Variants in RPS6KA2 observed in about 807,000 individuals in gnomAD.
RPS6KA2 encodes the protein ribosomal protein S6 kinase alpha-2.
Under a neutral mutation model 91.8 loss-of-function variants are expected in RPS6KA2, and 42 were observed. The ratio of observed to expected loss-of-function variants is 0.46; its 90% confidence interval spans 0.36 to 0.59. The LOEUF (loss-of-function observed/expected upper bound fraction) is 0.59. RPS6KA2 is among the 20% of genes least tolerant of loss of function. The pLI is 0.00. For synonymous variants in RPS6KA2, 414 were observed against 393.6 expected (o/e 1.05, Z -0.61); for missense variants, 798 against 978.5 (o/e 0.82, Z 2.46).
chr6:166,780,553 G>A (rs915495154), intron 2 of RPS6KA2, among the ~76,000 whole-genome samples: 7 of 152,104 alleles, frequency 4.6e-5, no homozygotes, highest in African/African-American at 1.7e-4. Context: ...GGCAGCTCTG[G>A]CAAATGCGTA....
intron 2 of RPS6KA2, among the ~76,000 whole-genome samples, chr6:166,650,171 A>G (rs1359296154): frequency 1.3e-5 from 2 of 151,030 alleles, no homozygotes; most frequent in Admixed American, 6.6e-5. Flanking sequence ...AAAAAGCACA[A>G]TTAACTTGTA....
chr6:166,499,688 A>G (rs1583210767), intron 7 of RPS6KA2, among the ~76,000 whole-genome samples: 1 of 152,354 alleles, frequency 6.6e-6, no homozygotes, highest in East Asian at 1.9e-4. Flanking sequence ...CAGGTGGAAC[A>G]GGGTGAGTCC....
intron 2 of RPS6KA2, among the ~76,000 whole-genome samples, chr6:166,835,497 T>A (rs919568735): frequency 1.3e-5 from 2 of 152,198 alleles, no homozygotes; most frequent in Non-Finnish European, 2.9e-5. Flanking sequence ...TTGCCCATGT[T>A]TTGTAATATT....
chr6:166,679,635 T>C (rs1583012257), intron 2 of RPS6KA2, among the ~76,000 whole-genome samples: 1 of 152,212 alleles, frequency 6.6e-6, no homozygotes, highest in Non-Finnish European at 1.5e-5. Flanking sequence ...CTCCTCAACC[T>C]GGCGGCGCTC....
chr6:166,620,302 T>C (rs775416364), intron 1 of RPS6KA2, among the ~76,000 whole-genome samples: 5 of 152,244 alleles, frequency 3.3e-5, no homozygotes, highest in African/African-American at 4.8e-5. Context: ...TCTTGCTAAT[T>C]TCATACAGAA....
At chr6:166,587,682 A>T (rs1440566825) in intron 1 of RPS6KA2, among the ~76,000 whole-genome samples, 1 of 151,688 alleles carries the variant, frequency 6.6e-6, no homozygotes. Flanking sequence ...ATATATATAC[A>T]CACACAAAAA....
intron 2 of RPS6KA2, among the ~76,000 whole-genome samples, chr6:166,718,878 C>G (rs545102602): frequency 3.3e-5 from 5 of 152,222 alleles, no homozygotes; most frequent in Non-Finnish European, 5.9e-5. Context: ...AGGGGTGGAA[C>G]AGGCTAATTA....
chr6:166,418,229 G>T lies in RPS6KA2; in HGVS notation c.1934C>A (p.Ala645Asp). 1 of 1,596,780 alleles carries T rather than the reference G, an allele frequency of 6.3e-7. No homozygotes were observed. Among genetic ancestry groups the T allele is most frequent in the Non-Finnish European group, 8.6e-7 (1 of 1,165,030 alleles). ...GGNWDSISDA[A>D]KDVVSKMLHV... ...AACGCTGGGACATGTACTCACTTTA[G>T]CTGCGTCAGATATCGAGTCCCAGTT... The change falls in exon 19 of 21, where the codon GCT (alanine) becomes GAT (aspartate). Residue 645 changes from alanine (A) to aspartate (D), a missense_variant. Ala to Asp is a moderately radical substitution (Grantham distance 126). Coordinates refer to ENST00000265678, the MANE Select transcript of RPS6KA2 (RefSeq NM_021135.6). This position sits in a 1 kb window ranked among gnomAD's most constrained non-coding sequence, Gnocchi z 4.9.
At chr6:166,428,435 A>G (rs1471571436) in intron 16 of RPS6KA2, among the ~76,000 whole-genome samples, 1 of 141,224 alleles carries the variant, frequency 7.1e-6, no homozygotes, top group Non-Finnish European at 1.5e-5. Flanking sequence ...AATGGCAACA[A>G]AAGCCAAAAT....
chr6:166,429,592 A>C (rs573145597), intron 16 of RPS6KA2, among the ~76,000 whole-genome samples: 18 of 152,220 alleles, frequency 1.2e-4, no homozygotes, highest in African/African-American at 4.1e-4. Context: ...CTGGGATTAC[A>C]GGTGTGTGCC....
rs373972880 is a variant in RPS6KA2, at chr6:166,812,154, G to A, written c.123+46046C>T. On this transcript the variant is annotated intron_variant, in intron 2 of 21. Transcript: ENST00000503859. Reference sequence around the variant, plus strand: ...AGGATCAACCTGAGGTCAGGAGTTCGAGACCAGCCTGGCCAACATGGTGAA... The same window carrying A: ...AGGATCAACCTGAGGTCAGGAGTTCAAGACCAGCCTGGCCAACATGGTGAA... Among the ~76,000 whole-genome samples the A allele has an allele frequency of 3.2e-4, 49 of 152,228 alleles. 3 individuals are homozygous for A. The East Asian group carries it at 8.1e-3, about 25-fold the overall frequency.
intron 2 of RPS6KA2, among the ~76,000 whole-genome samples, chr6:166,691,315 C>T (rs569523491): frequency 2.3e-4 from 35 of 152,280 alleles, no homozygotes; most frequent in Middle Eastern, 3.4e-3. Context: ...TTATGACTCA[C>T]TCATGCTATA....
chr6:166,450,505 G>A (rs1214276727), intron 13 of RPS6KA2, among the ~76,000 whole-genome samples: 1 of 150,114 alleles, frequency 6.7e-6, no homozygotes, highest in Admixed American at 6.6e-5. Flanking sequence ...GACCACCATG[G>A]GGACCACCAG....
At chr6:166,589,856 T>C (rs566241754) in intron 1 of RPS6KA2, among the ~76,000 whole-genome samples, 8 of 152,264 alleles carry the variant, frequency 5.3e-5, no homozygotes, top group African/African-American at 1.7e-4. Context: ...AACTAAACTG[T>C]GGCATGAACA....
chr6:166,541,874 C>G (rs532913238), intron 1 of RPS6KA2, among the ~76,000 whole-genome samples: 19 of 152,216 alleles, frequency 1.2e-4, no homozygotes, highest in South Asian at 4.1e-4. Flanking sequence ...TGAAAAACGC[C>G]AGCTTTCTTC....
At chr6:166,544,389 T>C (rs531727288) in intron 1 of RPS6KA2, among the ~76,000 whole-genome samples, 17 of 152,268 alleles carry the variant, frequency 1.1e-4, no homozygotes, top group South Asian at 2.1e-4. Context: ...GCGAGCTCCA[T>C]CTGCGGCACG....
At chr6:166,664,001 A>G (rs866105590) in intron 2 of RPS6KA2, among the ~76,000 whole-genome samples, 27 of 152,352 alleles carry the variant, frequency 1.8e-4, no homozygotes, top group African/African-American at 6.3e-4. Context: ...TACCCATCTC[A>G]TAGGTTTTCT....
At chr6:166,562,237 G>C (rs1480517810) in intron 1 of RPS6KA2, among the ~76,000 whole-genome samples, 1 of 152,170 alleles carries the variant, frequency 6.6e-6, no homozygotes, top group African/African-American at 2.4e-5. Flanking sequence ...CTCTAGGAGA[G>C]CTGCTTAGTC....
chr6:166,779,404 C>T (rs7757084), intron 2 of RPS6KA2, among the ~76,000 whole-genome samples: 31,979 of 152,014 alleles, frequency 0.21, 4,087 homozygotes, highest in African/African-American at 0.36. Flanking sequence ...AAGCCCGGCC[C>T]GCACATGTGG....
Sources: allele counts gnomAD v4.1 joint callset (sites outside exome capture counted in the v4.1 genomes callset), GRCh38; gene constraint gnomAD v4.1.1; non-coding constraint Gnocchi (gnomAD v3.1); transcripts MANE v1.5; gene names NCBI Gene and HGNC (gene_info 2026-07-23, HGNC 2026-07-21).